LMBR1: variants seen among roughly 807,000 people sequenced by gnomAD.
LMBR1 encodes the protein limb development membrane protein 1.
In LMBR1, 52 loss-of-function variants were observed where a neutral mutation model predicts 73.9. The observed-to-expected ratio is 0.70, with a 90% CI of 0.56 to 0.89. The LOEUF (loss-of-function observed/expected upper bound fraction) is 0.89. LMBR1 is among the 40% of genes least tolerant of loss of function. The pLI, the probability that LMBR1 is intolerant of heterozygous loss-of-function variation, is 0.00. For synonymous variants in LMBR1, 215 were observed against 209.4 expected, an observed-to-expected ratio of 1.03 and a Z score of -0.23; for missense variants, 539 against 579.8, an observed-to-expected ratio of 0.93 and a Z score of 0.72.
intron 15 of LMBR1, among the ~76,000 whole-genome samples, chr7:156,717,149 A>C (rs556465322): frequency 2.8e-3 from 433 of 152,288 alleles, no homozygotes; most frequent in Non-Finnish European, 4.9e-3. Flanking sequence ...TTTCAGAAAA[A>C]AGAGGTAGAT....
chr7:156,715,018 C>A (rs1276359453), intron 15 of LMBR1, among the ~76,000 whole-genome samples: 2 of 150,524 alleles, frequency 1.3e-5, no homozygotes, highest in Non-Finnish European at 2.9e-5. Context: ...GTGGCACGAT[C>A]TCAGGTCACT....
At chr7:156,672,907 T>A (rs1802877043), downstream of LMBR1, among the ~76,000 whole-genome samples, 1 of 152,194 alleles carries the variant, frequency 6.6e-6, no homozygotes, top group Non-Finnish European at 1.5e-5. Flanking sequence ...ATGACCGTGG[T>A]TCTTAAACCT....
intron 12 of LMBR1, among the ~76,000 whole-genome samples, chr7:156,726,456 G>A (rs1338192687): frequency 1.3e-5 from 2 of 149,302 alleles, no homozygotes; most frequent in Non-Finnish European, 3.0e-5. Context: ...TCTTTACCTA[G>A]AACTTAAAAA....
chr7:156,707,024 A>C (rs1166194487), intron 15 of LMBR1, among the ~76,000 whole-genome samples: 1 of 152,048 alleles, frequency 6.6e-6, no homozygotes, highest in African/African-American at 2.4e-5. Context: ...AGACAACACA[A>C]AGAAAATCAG....
chr7:156,738,285 T>TG (rs1818267727), intron 9 of LMBR1, among the ~76,000 whole-genome samples: 1 of 152,172 alleles, frequency 6.6e-6, no homozygotes, highest in Non-Finnish European at 1.5e-5. Flanking sequence ...AAGGAGCATG[T>TG]GGACCAGCCC....
intron 1 of LMBR1, among the ~76,000 whole-genome samples, chr7:156,891,412 G>A (rs1176855976): frequency 6.6e-6 from 1 of 150,826 alleles, no homozygotes; most frequent in East Asian, 1.9e-4. Context: ...ATACAACATG[G>A]AGAAATTTCA....
chr7:156,875,124 A>G (rs1355417219), intron 1 of LMBR1, among the ~76,000 whole-genome samples: 3 of 152,234 alleles, frequency 2.0e-5, no homozygotes, highest in Non-Finnish European at 4.4e-5. Flanking sequence ...GCTTCAGGAA[A>G]TAAAGGACAC....
chr7:156,817,147 T>C (rs1362203887), intron 4 of LMBR1, among the ~76,000 whole-genome samples: 1 of 152,178 alleles, frequency 6.6e-6, no homozygotes, highest in South Asian at 2.1e-4. Flanking sequence ...ATAGGATGCA[T>C]TAACTTCTAG....
chr7:156,869,072 A>G (rs543102142), intron 1 of LMBR1, among the ~76,000 whole-genome samples: 1 of 152,356 alleles, frequency 6.6e-6, no homozygotes, highest in African/African-American at 2.4e-5. Context: ...TATTTTCTTT[A>G]CGTGGTGTTC....
intron 1 of LMBR1, among the ~76,000 whole-genome samples, chr7:156,863,334 T>C (rs145203706): frequency 0.25 from 36,939 of 148,720 alleles, 5,053 homozygotes; most frequent in East Asian, 0.42. Flanking sequence ...CAGTCTAGTC[T>C]TTTCACATTT....
rs549776481 is a variant in LMBR1, at chr7:156,746,490, G to A, written c.757+9903C>T. 8.2e-4 allele frequency among the ~76,000 whole-genome samples: 125 copies of A among 152,222 alleles called. No homozygotes were observed. The Middle Eastern group carries it at 0.014, about 17-fold the overall frequency. The stretch of plus-strand genomic sequence containing the variant: ...CCACTCAATGTATGATTCTTCAAAG[G>A]AAAATAACTAAAATGGCATTTCTGA... On this transcript the variant is annotated intron_variant, in intron 9 of 16. Transcript: ENST00000353442.
intron 15 of LMBR1, among the ~76,000 whole-genome samples, chr7:156,689,194 AT>A (rs1379112525): frequency 6.6e-6 from 1 of 152,218 alleles, no homozygotes; most frequent in East Asian, 1.9e-4. Context: ...AGATAAATAA[AT>A]CACATCATTC....
intron 1 of LMBR1, among the ~76,000 whole-genome samples, chr7:156,875,776 G>A (rs1347443594): frequency 6.6e-6 from 1 of 152,046 alleles, no homozygotes; most frequent in Non-Finnish European, 1.5e-5. Context: ...GAGAGAATTT[G>A]CCACTACCAA....
chr7:156,763,000 C>CA (rs1286198596), intron 7 of LMBR1, 108 bp downstream of exon 7: 46 of 618,076 alleles, frequency 7.4e-5, no homozygotes, highest in African/African-American at 2.8e-4. Flanking sequence ...AAGGCGAACT[C>CA]AAAAAAAATC....
At chr7:156,857,790 T>A (rs1797173712) in intron 1 of LMBR1, among the ~76,000 whole-genome samples, 2 of 151,992 alleles carry the variant, frequency 1.3e-5, no homozygotes, top group Non-Finnish European at 2.9e-5. Flanking sequence ...AAACTATAAA[T>A]CAGTAACTGA....
chr7:156,736,951 T>G (rs1817986045), intron 9 of LMBR1, among the ~76,000 whole-genome samples: 1 of 152,158 alleles, frequency 6.6e-6, no homozygotes, highest in African/African-American at 2.4e-5. Context: ...TTGAAGAAAT[T>G]TCCCCCAGTG....
chr7:156,713,997 A>G (rs1045026605), intron 15 of LMBR1, among the ~76,000 whole-genome samples: 4 of 152,248 alleles, frequency 2.6e-5, no homozygotes, highest in African/African-American at 9.6e-5. Flanking sequence ...CAAAGTAAGT[A>G]TGTAAGACAT....
At chr7:156,673,906 TAAA>T (rs3030984), downstream of LMBR1, among the ~76,000 whole-genome samples, 1 of 100,816 alleles carries the variant, frequency 9.9e-6, no homozygotes, top group Non-Finnish European at 2.1e-5. Flanking sequence ...TCCACATTAA[TAAA>T]AAAAAAAAAA....
At chr7:156,691,609 C>T (rs1807191709) in intron 15 of LMBR1, among the ~76,000 whole-genome samples, 1 of 152,090 alleles carries the variant, frequency 6.6e-6, no homozygotes, top group Admixed American at 6.5e-5. Context: ...GTTTATAAAG[C>T]TTGACACATA....
Sources: allele counts gnomAD v4.1 joint callset (sites outside exome capture counted in the v4.1 genomes callset), GRCh38; gene constraint gnomAD v4.1.1; transcripts MANE v1.5; gene names NCBI Gene and HGNC (gene_info 2026-07-23, HGNC 2026-07-21).